Variants in KDM3B observed in about 807,000 individuals in gnomAD.
KDM3B encodes lysine-specific demethylase 3B.
Under a neutral mutation model 170.0 loss-of-function variants are expected in KDM3B, and 10 were observed. The observed-to-expected ratio is 0.06, with a 90% CI of 0.04 to 0.10. The LOEUF (loss-of-function observed/expected upper bound fraction) is 0.10, where lower values mean the gene tolerates loss of function less well. Ranked by LOEUF, KDM3B falls within the 10% of genes least tolerant of loss-of-function variation. The pLI is 1.00. For missense variants in KDM3B, 1,394 were observed against 2,195.2 expected, an observed-to-expected ratio of 0.64 and a Z score of 7.29; for synonymous variants, 831 against 834.8, an observed-to-expected ratio of 1.00 and a Z score of 0.08.
intron 1 of KDM3B, among the ~76,000 whole-genome samples, chr5:138,361,000 G>T (rs921420374): frequency 2.6e-5 from 4 of 152,054 alleles, no homozygotes; most frequent in Non-Finnish European, 4.4e-5. Context: ...TCTCCAACTT[G>T]TAGTTTATTT....
chr5:138,419,738 C>T lies in KDM3B; in HGVS notation c.3715+506C>T, dbSNP rs1434801277. 4.7e-3 allele frequency among the ~76,000 whole-genome samples: 467 copies of T among 100,238 alleles called. 4 individuals carry two copies. Among genetic ancestry groups the T allele is most frequent in the Middle Eastern group, 0.016 (3 of 186 alleles). 65.8% of individuals were successfully genotyped at this position (100,238 alleles called of 152,430 possible). Reference sequence around the variant, plus strand: ...ATATATACACACACATACACACACACACACACACACACACACACACACACA... The same window carrying T: ...ATATATACACACACATACACACACATACACACACACACACACACACACACA... On this transcript the variant is annotated intron_variant, in intron 14 of 23. Transcript: ENST00000314358.
At chr5:138,374,262 TTTG>T (rs768960805) in intron 2 of KDM3B, 26 of 440,848 alleles carry the variant, frequency 5.9e-5, no homozygotes, top group Middle Eastern at 3.3e-4. Context: ...TTCATTTGTT[TTTG>T]TTGTTGTTGT....
chr5:138,361,534 A>G (rs146162113), intron 1 of KDM3B, among the ~76,000 whole-genome samples: 1 of 152,314 alleles, frequency 6.6e-6, no homozygotes, highest in East Asian at 1.9e-4. Context: ...TACTATAAGA[A>G]GGGTCCTTGA....
At chr5:138,373,707 A>T (rs1479327546) in intron 2 of KDM3B, among the ~76,000 whole-genome samples, 1 of 150,574 alleles carries the variant, frequency 6.6e-6, no homozygotes, top group Non-Finnish European at 1.5e-5. Context: ...CTGGTCTTGA[A>T]CTCCTGGTCT....
At chr5:138,376,667 G>T (rs1762007065) in intron 3 of KDM3B, among the ~76,000 whole-genome samples, 1 of 150,272 alleles carries the variant, frequency 6.7e-6, no homozygotes, top group South Asian at 2.1e-4. Flanking sequence ...TCGTGCCACT[G>T]CACTCCAGCC....
rs745589112 is a variant in KDM3B, at chr5:138,417,627, G to T, written c.3435+17G>T. 6.2e-7 allele frequency: 1 copy of T among 1,607,936 alleles called. No individual in the cohort carries two copies. The highest frequency in any genetic ancestry group is 1.7e-5 in the Admixed American group (1 of 59,478). The stretch of plus-strand genomic sequence containing the variant: ...ATGTCACAGGTAAACTGGTGTGTGT[G>T]GGTATAACTAAGTGAAGCCTAAATT... On this transcript the variant is annotated intron_variant, in intron 13 of 23. Transcript: ENST00000314358.
At chr5:138,360,039 G>A (rs1254643553) in intron 1 of KDM3B, among the ~76,000 whole-genome samples, 2 of 152,142 alleles carry the variant, frequency 1.3e-5, no homozygotes, top group African/African-American at 4.8e-5. Context: ...GTCTCAGGGT[G>A]GGGTAGGTAG....
chr5:138,399,697 A>C (rs1762634973), intron 10 of KDM3B, among the ~76,000 whole-genome samples, 163 bp from the exon 11 acceptor site: 1 of 152,132 alleles, frequency 6.6e-6, no homozygotes, highest in Non-Finnish European at 1.5e-5. Flanking sequence ...GAAATACTAG[A>C]AATTATTGTA....
intron 13 of KDM3B, 90 bp from the exon 14 acceptor site, chr5:138,418,863 C>A: frequency 8.2e-7 from 1 of 1,216,288 alleles, no homozygotes; most frequent in Non-Finnish European, 1.2e-6. Context: ...TTATTCTTCC[C>A]AGACCTATTT....
chr5:138,369,369 G>A (rs554338468), intron 1 of KDM3B, among the ~76,000 whole-genome samples: 2 of 152,230 alleles, frequency 1.3e-5, no homozygotes, highest in South Asian at 4.1e-4. Context: ...ATCAAGCTTT[G>A]TGATAGGGCT....
intron 12 of KDM3B, among the ~76,000 whole-genome samples, chr5:138,416,039 A>G (rs577511817): frequency 2.0e-5 from 3 of 152,180 alleles, no homozygotes; most frequent in African/African-American, 7.2e-5. Context: ...CAGACTGGTC[A>G]ACATAGCAAG....
In KDM3B at chr5:138,373,572, C is replaced by G. The variant is rs900237684; in HGVS notation, c.360+731C>G. Among the ~76,000 whole-genome samples the G allele has an allele frequency of 3.3e-5, 5 of 151,744 alleles. No individual in the cohort carries two copies. The South Asian group carries it at 8.3e-4, about 25-fold the overall frequency. ...ATCAGAGCTCACCGCAACCTCTGAC[C>G]CCCAGGCTTAAGCCATCCTCCCACC... is the stretch of plus-strand genomic sequence containing the variant. On this transcript the variant is annotated intron_variant, in intron 2 of 23. Transcript: ENST00000314358.
At chr5:138,397,890 C>G (rs1762586728) in intron 9 of KDM3B, 1 of 220,612 alleles carries the variant, frequency 4.5e-6, no homozygotes, top group Non-Finnish European at 8.8e-6. Context: ...GAAAGTAGGT[C>G]TGTGTTTTTA....
chr5:138,415,526 C>A (rs1219403104), intron 12 of KDM3B, among the ~76,000 whole-genome samples: 1 of 152,084 alleles, frequency 6.6e-6, no homozygotes, highest in African/African-American at 2.4e-5. Context: ...CAGCCTTGAA[C>A]TCCTGACCTC....
intron 3 of KDM3B, 30 bp from the exon 4 acceptor site, chr5:138,377,690 T>G: frequency 3.4e-6 from 5 of 1,462,336 alleles, no homozygotes; most frequent in Non-Finnish European, 4.8e-6. Flanking sequence ...ATTTTAACAT[T>G]CAGTTGTTTT....
chr5:138,379,496 C>T, intron 4 of KDM3B, 88 bp from the exon 5 acceptor site: 7 of 1,319,178 alleles, frequency 5.3e-6, no homozygotes, highest in Non-Finnish European at 7.3e-6. Flanking sequence ...CAAATATTTA[C>T]ATTATCTAAT....
intron 7 of KDM3B, among the ~76,000 whole-genome samples, chr5:138,388,347 T>C (rs1762335396): frequency 6.6e-6 from 1 of 151,914 alleles, no homozygotes; most frequent in Admixed American, 6.6e-5. Context: ...AGTATAGAAA[T>C]GAGCCAGGCA....
intron 14 of KDM3B, among the ~76,000 whole-genome samples, chr5:138,419,688 T>TATATAC (rs1192676979): frequency 9.2e-5 from 11 of 119,112 alleles, no homozygotes; most frequent in African/African-American, 3.6e-4. Flanking sequence ...TATATATATA[T>TATATAC]ACATATATAT....
Position 138,352,951 on chromosome 5 carries a change from G to A in KDM3B, c.156G>A (p.Val52=). 7.8e-7 allele frequency: 1 copy of A among 1,278,700 alleles called. No individual in the cohort carries two copies. The highest frequency in any genetic ancestry group is 9.8e-7 in the Non-Finnish European group (1 of 1,016,478). 79.2% of individuals were successfully genotyped at this position (1,278,700 alleles called of 1,614,324 possible). ...CTCGAGCCTGGCGGGCCGGCACGGT[G>A]CGGGCCATGAGCGGGGCGGTGCCCC... ...LRTRAWRAGT[V]RAMSGAVPQD... The change falls in exon 1 of 24, where the codon GTG becomes GTA. Residue 52 remains valine (V), a synonymous_variant. Coordinates refer to ENST00000314358, the MANE Select transcript of KDM3B (RefSeq NM_016604.4).
Sources: gnomAD v4.1 joint callset for allele counts (sites outside exome capture counted in the v4.1 genomes callset) on GRCh38, gnomAD v4.1.1 for gene constraint, MANE v1.5 for transcripts, NCBI Gene and HGNC (gene_info 2026-07-23, HGNC 2026-07-21) for gene names.